The following EMC7 variants were observed in gnomAD, a reference collection of about 807,000 sequenced individuals.
EMC7 encodes endoplasmic reticulum membrane protein complex subunit 7.
EMC7 carries 4 observed loss-of-function variants against 24.4 expected under a neutral mutation model. The ratio of observed to expected loss-of-function variants is 0.16; its 90% CI spans 0.08 to 0.38. The LOEUF is 0.38. Among genes scored for constraint, EMC7 ranks in the 10% least tolerant of loss-of-function variants. EMC7 has a pLI of 1.00. For missense variants in EMC7, 221 were observed against 300.6 expected (o/e 0.74, Z 1.96); for synonymous variants, 106 against 112.0 (o/e 0.95, Z 0.34).
chr15:34,090,508 G>T, intron 2 of EMC7, 53 bp from the exon 3 acceptor site: 2 of 1,563,046 alleles, frequency 1.3e-6, no homozygotes, highest in East Asian at 4.6e-5. Flanking sequence ...AACATTACTG[G>T]TTAAAAGAAC....
In EMC7 at chr15:34,088,118, G is replaced by A. The variant is rs994825366; in HGVS notation, c.511C>T (p.Leu171Phe). The A allele has an allele frequency of 2.5e-6, 4 of 1,610,592 alleles. No individual in the cohort carries two copies. The highest frequency in any genetic ancestry group is 4.5e-5 in the East Asian group (2 of 44,700). The change falls in exon 4 of 5, where the codon CTT becomes TTT. Residue 171 changes from leucine (L) to phenylalanine (F), a missense_variant. Around this residue, in one of 2 missense-constraint regions of EMC7, gnomAD observed 65 missense variants for 123.4 expected, o/e 0.53. Transcript: ENST00000256545. ...AGAAGCACAAATATCAATAAAGGAA[G>A]AACCATCATCATAACCTGCAGAAAA... ...LMNPMVMMMV[L>F]PLLIFVLLPK...
intron 4 of EMC7, among the ~76,000 whole-genome samples, 191 bp from the exon 5 acceptor site, chr15:34,084,677 C>G (rs1160296921): frequency 3.3e-5 from 5 of 151,890 alleles, no homozygotes; most frequent in Admixed American, 3.3e-4. Flanking sequence ...TCCTTTATAC[C>G]ACTAGACATT....
At chr15:34,086,858 A>G (rs1485260441) in intron 4 of EMC7, among the ~76,000 whole-genome samples, 1 of 152,258 alleles carries the variant, frequency 6.6e-6, no homozygotes, top group Non-Finnish European at 1.5e-5. Flanking sequence ...AAAAATGCAA[A>G]CATTCACCAA....
At chr15:34,090,222 G>T in intron 3 of EMC7, 95 bp downstream of exon 3, 1 of 1,270,486 alleles carries the variant, frequency 7.9e-7, no homozygotes, top group Non-Finnish European at 1.1e-6. Flanking sequence ...CCACCAATCT[G>T]ACCTCAGCTT....
chr15:34,097,468 T>C (rs933457535), intron 1 of EMC7, among the ~76,000 whole-genome samples: 1 of 152,210 alleles, frequency 6.6e-6, no homozygotes, highest in Non-Finnish European at 1.5e-5. Flanking sequence ...ATCTTTTCCT[T>C]ACTGATTTCT....
intron 3 of EMC7, among the ~76,000 whole-genome samples, chr15:34,089,812 C>T (rs1265752122): frequency 3.3e-5 from 5 of 152,090 alleles, no homozygotes; most frequent in African/African-American, 9.7e-5. Flanking sequence ...CAAAATTAGC[C>T]GGGCGTGGTG....
At chr15:34,101,223 T>C (rs1319665850) in intron 1 of EMC7, among the ~76,000 whole-genome samples, 1 of 152,012 alleles carries the variant, frequency 6.6e-6, no homozygotes, top group Middle Eastern at 3.2e-3. Context: ...AAGACTGAAG[T>C]GAATGCAAAA....
At position 34,097,037 on chromosome 15, in the gene EMC7, TTC is replaced by T. The variant is rs1356530642; in HGVS notation, c.237-1025_237-1024del. 7.3e-5 allele frequency among the ~76,000 whole-genome samples: 3 copies of T among 40,842 alleles called. No homozygotes were observed. In the East Asian group the frequency reaches 3.1e-3, roughly 42 times the overall value. 26.8% of individuals were successfully genotyped at this position (40,842 alleles called of 152,430 possible). A position where few individuals can be genotyped will look rare whatever the true frequency, so the allele number is the denominator to read the frequency against. Reference sequence around the variant, plus strand: ...TGCAATTTTTGGTTTTCTGTTCTTCTTCTTTTTTTTTTTTGAGACGGAGTCTC... The same window carrying T: ...TGCAATTTTTGGTTTTCTGTTCTTCTTTTTTTTTTTTTGAGACGGAGTCTC... On this transcript the variant is annotated intron_variant, in intron 1 of 4. Transcript: ENST00000256545.
At chr15:34,095,633 C>A (rs1463003242) in intron 2 of EMC7, among the ~76,000 whole-genome samples, 2 of 152,162 alleles carry the variant, frequency 1.3e-5, no homozygotes, top group Non-Finnish European at 2.9e-5. Flanking sequence ...AGCACTTTAG[C>A]TCCTATAGTA....
intron 4 of EMC7, 43 bp downstream of exon 4, chr15:34,088,010 T>G (rs761214116): frequency 6.5e-7 from 1 of 1,535,700 alleles, no homozygotes; most frequent in South Asian, 1.2e-5. Flanking sequence ...AGAGGCTCTA[T>G]CTCTTAAAAA....
chr15:34,096,509 C>T (rs1032129820), intron 1 of EMC7, among the ~76,000 whole-genome samples: 20 of 152,034 alleles, frequency 1.3e-4, no homozygotes, highest in East Asian at 9.7e-4. Flanking sequence ...TCTGAAAATA[C>T]CCAAGACCAC....
intron 1 of EMC7, 34 bp from the exon 2 acceptor site, chr15:34,096,048 G>A (rs779401587): frequency 2.7e-6 from 4 of 1,482,956 alleles, no homozygotes; most frequent in East Asian, 2.4e-5. Flanking sequence ...AGCTACTACT[G>A]ATCAACAGCT....
chr15:34,088,469 T>C (rs1037689335), intron 3 of EMC7, among the ~76,000 whole-genome samples: 2 of 674 alleles, frequency 3.0e-3, no homozygotes, highest in African/African-American at 4.2e-3. Flanking sequence ...ATCTATTCCC[T>C]TTTTTTTTTT....
chr15:34,088,940 C>T (rs772223950), intron 3 of EMC7, among the ~76,000 whole-genome samples: 2 of 152,120 alleles, frequency 1.3e-5, no homozygotes, highest in African/African-American at 2.4e-5. Flanking sequence ...ACTGCAACCT[C>T]CACCCCCTCT....
intron 1 of EMC7, 127 bp downstream of exon 1, chr15:34,101,477 C>A (rs1441044116): frequency 1.0e-6 from 1 of 982,734 alleles, no homozygotes; most frequent in Non-Finnish European, 1.5e-6. Context: ...CGGCATAGAC[C>A]GTTAGCGGCA....
chr15:34,090,290 A>C lies in EMC7; in HGVS notation c.495+27T>G, dbSNP rs767261000. On this transcript the variant is annotated intron_variant, in intron 3 of 4. Coordinates refer to ENST00000256545, the MANE Select transcript of EMC7 (RefSeq NM_020154.3). The stretch of plus-strand genomic sequence containing the variant: ...CTAGAAGCAAATTAGGTATTAGTAA[A>C]GTGCTTTATTTTAGCCTGATACATA... 7.5e-6 allele frequency: 12 copies of C among 1,593,478 alleles called. No individual in the cohort carries two copies. In the Admixed American group the frequency reaches 2.2e-4, roughly 29 times the overall value.
intron 3 of EMC7, 126 bp from the exon 4 acceptor site, chr15:34,088,259 C>A: frequency 1.4e-6 from 1 of 739,322 alleles, no homozygotes; most frequent in Non-Finnish European, 2.2e-6. Flanking sequence ...ACACTAGTAG[C>A]AACCACCGCA....
intron 4 of EMC7, chr15:34,086,212 A>C: frequency 2.7e-6 from 1 of 368,704 alleles, no homozygotes; most frequent in Non-Finnish European, 5.2e-6. Flanking sequence ...GGTTTCTGCC[A>C]GTTAAGCTAA....
At chr15:34,089,570 C>T (rs1296353724) in intron 3 of EMC7, among the ~76,000 whole-genome samples, 1 of 152,138 alleles carries the variant, frequency 6.6e-6, no homozygotes, top group African/African-American at 2.4e-5. Context: ...CTCTTCACTA[C>T]ACATGTTAAA....
Sources: gnomAD v4.1 joint callset for allele counts (sites outside exome capture counted in the v4.1 genomes callset) on GRCh38, gnomAD v4.1.1 for gene constraint, gnomAD v4.1.1 regional missense constraint, MANE v1.5 for transcripts, NCBI Gene and HGNC (gene_info 2026-07-23, HGNC 2026-07-21) for gene names.